The following CLVS1 variants were observed in gnomAD, a reference collection of about 807,000 sequenced individuals.
The protein encoded by CLVS1 is clavesin 1, also known as clavesin-1.
CLVS1 carries 10 observed loss-of-function variants against 33.1 expected under a neutral mutation model. The observed-to-expected ratio is 0.30, with a 90% CI of 0.19 to 0.51. The LOEUF is 0.51. Ranked by LOEUF, CLVS1 falls within the 20% of genes least tolerant of loss-of-function variation. The pLI, the probability that CLVS1 is intolerant of heterozygous loss-of-function variation, is 0.97. For missense variants in CLVS1, 343 were observed against 433.4 expected, an observed-to-expected ratio of 0.79 and a Z score of 1.85; for synonymous variants, 163 against 166.1, an observed-to-expected ratio of 0.98 and a Z score of 0.14.
At chr8:61,476,996 T>C (rs1563570650) in intron 5 of CLVS1, among the ~76,000 whole-genome samples, 1 of 152,048 alleles carries the variant, frequency 6.6e-6, no homozygotes, top group Non-Finnish European at 1.5e-5. Context: ...TATTGAGAGT[T>C]TCTAGCATGA....
intron 2 of CLVS1, among the ~76,000 whole-genome samples, chr8:61,234,977 A>G (rs1366611481): frequency 6.6e-6 from 1 of 152,172 alleles, no homozygotes; most frequent in African/African-American, 2.4e-5. Context: ...CAACTTTGGA[A>G]TGATCATTGT....
chr8:61,047,400 G>T, the CLVS1 span, among the ~76,000 whole-genome samples: 2 of 152,186 alleles, frequency 1.3e-5, no homozygotes, highest in African/African-American at 4.8e-5. Context: ...TCAGTGTGGC[G>T]ATTCCTCAGG....
intron 5 of CLVS1, 21 bp downstream of exon 5, chr8:61,458,563 GC>G (rs33963114): frequency 0.012 from 13,889 of 1,181,672 alleles, 21 homozygotes; most frequent in South Asian, 0.03. Flanking sequence ...GGTTATCAGA[GC>G]CCCCCCCCCA....
chr8:61,436,181 G>A (rs984582771), intron 3 of CLVS1, among the ~76,000 whole-genome samples: 1 of 152,046 alleles, frequency 6.6e-6, no homozygotes, highest in South Asian at 2.1e-4. Context: ...CCTCTCACTT[G>A]CATAATCAAT....
intron 3 of CLVS1, among the ~76,000 whole-genome samples, chr8:61,412,503 A>G (rs970151875): frequency 8.5e-5 from 13 of 152,208 alleles, no homozygotes; most frequent in Admixed American, 6.5e-5. Context: ...TACTGTGGCT[A>G]TAAGAAGGGA....
intron 2 of CLVS1, among the ~76,000 whole-genome samples, chr8:61,144,741 C>T (rs957138389): frequency 4.6e-5 from 7 of 152,204 alleles, no homozygotes; most frequent in African/African-American, 1.4e-4. Context: ...TTTTAATGAT[C>T]GCTATTCTAA....
intron 2 of CLVS1, among the ~76,000 whole-genome samples, chr8:61,236,486 G>A (rs1483229378): frequency 6.6e-6 from 1 of 152,210 alleles, no homozygotes; most frequent in African/African-American, 2.4e-5. Context: ...GAGACAGTCT[G>A]TTGCTCGCTT....
At chr8:61,430,665 TGC>T (rs1321317608) in intron 3 of CLVS1, among the ~76,000 whole-genome samples, 1 of 152,190 alleles carries the variant, frequency 6.6e-6, no homozygotes, top group Non-Finnish European at 1.5e-5. Context: ...TTATGTGCTC[TGC>T]TACTGCCAGG....
chr8:61,349,073 T>C (rs982063168), intron 2 of CLVS1, among the ~76,000 whole-genome samples: 2 of 152,164 alleles, frequency 1.3e-5, no homozygotes, highest in Admixed American at 6.5e-5. Context: ...GGTTGTTTTC[T>C]TGCTATTAAG....
At chr8:61,436,411 C>T (rs934678994) in intron 3 of CLVS1, among the ~76,000 whole-genome samples, 34 of 152,292 alleles carry the variant, frequency 2.2e-4, no homozygotes, top group Admixed American at 5.9e-4. Flanking sequence ...GCTCCAACTA[C>T]ATCACTGCAA....
the CLVS1 span, among the ~76,000 whole-genome samples, chr8:60,995,930 C>T: frequency 6.6e-6 from 1 of 152,108 alleles, no homozygotes; most frequent in South Asian, 2.1e-4. Context: ...CCAAACACCG[C>T]ATATTCTCAC....
chr8:61,401,130 G>C (rs1012373588), intron 3 of CLVS1, among the ~76,000 whole-genome samples: 2 of 151,186 alleles, frequency 1.3e-5, no homozygotes, highest in Non-Finnish European at 2.9e-5. Context: ...ATTTTATCCT[G>C]AAACTTTGCT....
At chr8:61,122,889 C>T (rs778293540) in intron 1 of CLVS1, among the ~76,000 whole-genome samples, 1 of 107,318 alleles carries the variant, frequency 9.3e-6, no homozygotes, top group Non-Finnish European at 2.1e-5. Flanking sequence ...TGCGTTCACT[C>T]TTAATGTTCG....
At chr8:61,164,464 T>A (rs540487548) in intron 2 of CLVS1, among the ~76,000 whole-genome samples, 2 of 152,178 alleles carry the variant, frequency 1.3e-5, no homozygotes, top group African/African-American at 2.4e-5. Flanking sequence ...AACATTGCGA[T>A]TCCCGCTGTC....
chr8:61,265,474 T>A (rs80218731), intron 2 of CLVS1, among the ~76,000 whole-genome samples: 2,427 of 152,310 alleles, frequency 0.016, 79 homozygotes, highest in African/African-American at 0.054. Context: ...TCTTTGAAAT[T>A]TTGTGAAGTT....
intron 3 of CLVS1, among the ~76,000 whole-genome samples, chr8:61,440,123 G>A (rs1816484478): frequency 6.6e-6 from 1 of 152,136 alleles, no homozygotes; most frequent in Non-Finnish European, 1.5e-5. Context: ...TCTCTCACTA[G>A]TAGATGAACT....
chr8:61,462,430 G>C (rs1407178091), intron 5 of CLVS1, among the ~76,000 whole-genome samples: 3 of 152,126 alleles, frequency 2.0e-5, no homozygotes, highest in Non-Finnish European at 4.4e-5. Context: ...TGTCACACAG[G>C]CTGGAGTGCA....
At chr8:61,441,719 A>T (rs1219110761) in intron 3 of CLVS1, among the ~76,000 whole-genome samples, 1 of 152,186 alleles carries the variant, frequency 6.6e-6, no homozygotes, top group Admixed American at 6.6e-5. Context: ...ACTTTTGCCT[A>T]TATTATGTTG....
At chr8:61,161,816 A>T (rs1585653395) in intron 2 of CLVS1, among the ~76,000 whole-genome samples, 1 of 152,354 alleles carries the variant, frequency 6.6e-6, no homozygotes, top group Admixed American at 6.5e-5. Context: ...AAAAATAAAT[A>T]TGTGAGGTGA....
Sources: allele counts gnomAD v4.1 joint callset (sites outside exome capture counted in the v4.1 genomes callset), GRCh38; gene constraint gnomAD v4.1.1; transcripts MANE v1.5; gene names NCBI Gene and HGNC (gene_info 2026-07-23, HGNC 2026-07-21).